LRRC4C: variants seen among roughly 807,000 people sequenced by gnomAD.
The protein encoded by LRRC4C is leucine rich repeat containing 4C, also known as leucine-rich repeat-containing protein 4C.
LRRC4C carries 5 observed loss-of-function variants against 33.6 expected under a neutral mutation model. The observed-to-expected ratio is 0.15, with a 90% CI of 0.08 to 0.31. The LOEUF (loss-of-function observed/expected upper bound fraction) is 0.31, where lower values mean the gene tolerates loss of function less well. Among genes scored for constraint, LRRC4C ranks in the 10% least tolerant of loss-of-function variants. LRRC4C has a pLI of 1.00. For synonymous variants in LRRC4C, 329 were observed against 302.0 expected, an observed-to-expected ratio of 1.09 and a Z score of -0.93; for missense variants, 560 against 796.7, an observed-to-expected ratio of 0.70 and a Z score of 3.58.
At chr11:40,258,323 C>T (rs1166641107) in intron 4 of LRRC4C, among the ~76,000 whole-genome samples, 1 of 152,134 alleles carries the variant, frequency 6.6e-6, no homozygotes, top group Non-Finnish European at 1.5e-5. Flanking sequence ...CAATTTCAGC[C>T]TAGATTCTCC....
rs561190935 is a variant in LRRC4C at position 40,571,130 on chromosome 11, G to A, written c.-270+77012C>T. Among the ~76,000 whole-genome samples, 18 of 152,100 alleles carry A rather than the reference G, an allele frequency of 1.2e-4. No individual in the cohort carries two copies. In the South Asian group the frequency reaches 3.7e-3, roughly 32 times the overall value. The stretch of plus-strand genomic sequence containing the variant: ...ACATTGGAATAAAATTGCATTAATG[G>A]TAGTAATTAGGATACGTAATTATGT... On this transcript the variant is annotated intron_variant, in intron 3 of 6. Transcript: ENST00000528697.
intron 4 of LRRC4C, among the ~76,000 whole-genome samples, chr11:40,253,681 T>A (rs1021512275): frequency 2.6e-5 from 4 of 152,176 alleles, no homozygotes; most frequent in African/African-American, 9.7e-5. Flanking sequence ...ACCCTCCAGA[T>A]GCACTGCAGC....
intron 3 of LRRC4C, among the ~76,000 whole-genome samples, chr11:40,426,261 C>T (rs943462018): frequency 3.9e-5 from 6 of 152,108 alleles, no homozygotes; most frequent in Admixed American, 6.6e-5. Flanking sequence ...GATTTGCCCA[C>T]CTTGGCCTTC....
At chr11:40,721,775 C>CCCGTCTCTA (rs1947028275) in intron 2 of LRRC4C, among the ~76,000 whole-genome samples, 1 of 151,508 alleles carries the variant, frequency 6.6e-6, no homozygotes, top group Non-Finnish European at 1.5e-5. Context: ...GTGGTGAAAC[C>CCCGTCTCTA]CTAAAAATAC....
intron 1 of LRRC4C, among the ~76,000 whole-genome samples, chr11:41,358,232 A>T (rs1952230969): frequency 6.6e-6 from 1 of 152,072 alleles, no homozygotes; most frequent in South Asian, 2.1e-4. Context: ...AGAATCTTAG[A>T]CTCTTTGCAA....
chr11:41,193,518 T>C (rs1253726289), intron 1 of LRRC4C, among the ~76,000 whole-genome samples: 1 of 152,164 alleles, frequency 6.6e-6, no homozygotes, highest in Admixed American at 6.5e-5. Flanking sequence ...AGGAAGAAGA[T>C]ATTCTTGTTG....
intron 3 of LRRC4C, among the ~76,000 whole-genome samples, chr11:40,574,144 A>G (rs1023694312): frequency 4.6e-5 from 7 of 152,184 alleles, no homozygotes; most frequent in African/African-American, 7.2e-5. Context: ...AGAGAAATGT[A>G]TTTCAATTGA....
intron 2 of LRRC4C, among the ~76,000 whole-genome samples, chr11:40,710,299 T>C (rs1241513204): frequency 6.6e-6 from 1 of 152,202 alleles, no homozygotes; most frequent in African/African-American, 2.4e-5. Flanking sequence ...TCAGCTTTTC[T>C]TCTCTGGTTT....
intron 4 of LRRC4C, among the ~76,000 whole-genome samples, chr11:40,302,289 G>A (rs920272613): frequency 3.9e-5 from 6 of 152,056 alleles, no homozygotes; most frequent in Admixed American, 2.0e-4. Flanking sequence ...ATGGAAGTTC[G>A]CATTTTCACT....
At chr11:40,405,608 C>CA (rs71060958) in intron 3 of LRRC4C, among the ~76,000 whole-genome samples, 29,103 of 70,576 alleles carry the variant, frequency 0.41, 5,586 homozygotes, top group South Asian at 0.49. Flanking sequence ...ACACTCTATC[C>CA]AAAAAAAAAA....
chr11:40,877,811 G>A (rs1197134035), intron 2 of LRRC4C, among the ~76,000 whole-genome samples: 1 of 152,080 alleles, frequency 6.6e-6, no homozygotes. Context: ...TTTCATGCAG[G>A]GTGCTTGCTC....
At chr11:40,733,419 T>G in intron 2 of LRRC4C, among the ~76,000 whole-genome samples, 1 of 152,270 alleles carries the variant, frequency 6.6e-6, no homozygotes, top group Non-Finnish European at 1.5e-5. Context: ...TATATCTTTA[T>G]ACAATCCTCA....
intron 2 of LRRC4C, among the ~76,000 whole-genome samples, chr11:40,768,188 AC>A (rs1949570268): frequency 6.6e-6 from 1 of 152,000 alleles, no homozygotes; most frequent in African/African-American, 2.4e-5. Context: ...GGTATGTGAA[AC>A]TGTACACTCA....
At chr11:40,447,831 T>C (rs1482574039) in intron 3 of LRRC4C, among the ~76,000 whole-genome samples, 1 of 152,160 alleles carries the variant, frequency 6.6e-6, no homozygotes. Context: ...TTTTGTTTTG[T>C]TTTGAGACTG....
intron 1 of LRRC4C, among the ~76,000 whole-genome samples, chr11:41,225,676 A>AT (rs1947503647): frequency 6.6e-6 from 1 of 152,072 alleles, no homozygotes; most frequent in Admixed American, 6.6e-5. Context: ...ATATATAAAC[A>AT]TTTTTTAAAG....
At chr11:41,123,565 C>G (rs922742117) in intron 1 of LRRC4C, among the ~76,000 whole-genome samples, 1 of 152,008 alleles carries the variant, frequency 6.6e-6, no homozygotes, top group African/African-American at 2.4e-5. Context: ...AGCCACCGCG[C>G]CCGGCCTTTT....
At chr11:40,599,161 C>A (rs1437616489) in intron 3 of LRRC4C, among the ~76,000 whole-genome samples, 1 of 151,966 alleles carries the variant, frequency 6.6e-6, no homozygotes, top group Non-Finnish European at 1.5e-5. Flanking sequence ...TCAGAAGGGC[C>A]TTCATGGTCA....
intron 1 of LRRC4C, among the ~76,000 whole-genome samples, chr11:41,353,003 T>A (rs937008834): frequency 3.3e-5 from 5 of 151,870 alleles, no homozygotes; most frequent in African/African-American, 1.2e-4. Flanking sequence ...GCTAGCAGAC[T>A]TTTTCAGCAG....
intron 3 of LRRC4C, among the ~76,000 whole-genome samples, chr11:40,467,065 C>G (rs1190316045): frequency 3.9e-5 from 6 of 152,016 alleles, no homozygotes; most frequent in Non-Finnish European, 8.8e-5. Flanking sequence ...TGAAAAGAAA[C>G]AGTTGCATAT....
Sources: gnomAD v4.1 joint callset for allele counts (sites outside exome capture counted in the v4.1 genomes callset) on GRCh38, gnomAD v4.1.1 for gene constraint, MANE v1.5 for transcripts, NCBI Gene and HGNC (gene_info 2026-07-23, HGNC 2026-07-21) for gene names.